RPS6KC1: variants seen among roughly 807,000 people sequenced by gnomAD.
RPS6KC1 encodes inactive ribosomal protein S6 kinase delta-1.
RPS6KC1 carries 54 observed loss-of-function variants against 103.8 expected under a neutral mutation model. The ratio of observed to expected loss-of-function variants is 0.52; its 90% CI spans 0.42 to 0.65. The LOEUF is 0.65. RPS6KC1 is among the 30% of genes least tolerant of loss of function. The pLI is 0.00. For missense variants in RPS6KC1, 1,151 were observed against 1,253.8 expected, an observed-to-expected ratio of 0.92 and a Z score of 1.24; for synonymous variants, 439 against 438.7, an observed-to-expected ratio of 1.00 and a Z score of -0.01.
chr1:213,830,768 G>A, the RPS6KC1 span, among the ~76,000 whole-genome samples: 1 of 151,834 alleles, frequency 6.6e-6, no homozygotes. Context: ...TCATTTGGGG[G>A]ATCCCTTCCC....
the RPS6KC1 span, among the ~76,000 whole-genome samples, chr1:213,861,208 G>A: frequency 4.6e-5 from 7 of 152,066 alleles, no homozygotes; most frequent in Non-Finnish European, 1.0e-4. Context: ...GCTGATAGAG[G>A]GCTGATTCAG....
chr1:213,567,786 G>C, the RPS6KC1 span, among the ~76,000 whole-genome samples: 1 of 152,198 alleles, frequency 6.6e-6, no homozygotes, highest in Non-Finnish European at 1.5e-5. Flanking sequence ...TAATGGAGTT[G>C]AGATTCTCCC....
the RPS6KC1 span, among the ~76,000 whole-genome samples, chr1:213,712,360 TC>T: frequency 6.7e-6 from 1 of 149,738 alleles, no homozygotes; most frequent in African/African-American, 2.6e-5. Context: ...CAGATGCCCC[TC>T]CCCTCACCAA....
At chr1:213,104,718 C>T (rs2148781800) in intron 4 of RPS6KC1, 149 bp downstream of exon 4, 7 of 407,316 alleles carry the variant, frequency 1.7e-5, no homozygotes, top group South Asian at 4.5e-5. Context: ...TGGCATATTT[C>T]CTATTTTTAG....
the RPS6KC1 span, among the ~76,000 whole-genome samples, chr1:213,709,746 T>C: frequency 6.6e-6 from 1 of 152,330 alleles, no homozygotes; most frequent in South Asian, 2.1e-4. Flanking sequence ...TTCAAAGAAC[T>C]TATTTATTTC....
At chr1:213,240,159 A>T (rs748253232) in intron 10 of RPS6KC1, among the ~76,000 whole-genome samples, 3 of 152,166 alleles carry the variant, frequency 2.0e-5, no homozygotes, top group Admixed American at 1.3e-4. Context: ...GGGAAATATT[A>T]ATATGTCATT....
chr1:213,602,044 C>CTT, the RPS6KC1 span, among the ~76,000 whole-genome samples: 4 of 60,482 alleles, frequency 6.6e-5, 1 homozygote, highest in Non-Finnish European at 1.0e-4. Flanking sequence ...CTCTTTCTTT[C>CTT]TTTCTTTCTT....
chr1:213,296,885 A>G, the RPS6KC1 span, among the ~76,000 whole-genome samples: 2 of 152,206 alleles, frequency 1.3e-5, no homozygotes, highest in Non-Finnish European at 2.9e-5. Context: ...GGTGCTTACT[A>G]CAGTGACAAA....
chr1:213,127,146 G>A (rs2085076598), intron 5 of RPS6KC1, among the ~76,000 whole-genome samples: 1 of 152,134 alleles, frequency 6.6e-6, no homozygotes, highest in Non-Finnish European at 1.5e-5. Context: ...ATCTCTGGGT[G>A]TTTCTGAGAT....
chr1:213,585,744 G>C, the RPS6KC1 span, among the ~76,000 whole-genome samples: 1 of 152,276 alleles, frequency 6.6e-6, no homozygotes, highest in Non-Finnish European at 1.5e-5. Flanking sequence ...CCAGGAGACT[G>C]TCTGCCATGG....
the RPS6KC1 span, among the ~76,000 whole-genome samples, chr1:213,817,461 A>G: frequency 6.6e-6 from 1 of 152,244 alleles, no homozygotes; most frequent in Non-Finnish European, 1.5e-5. Context: ...GGCATTCTCC[A>G]CTGCCAATTA....
intron 14 of RPS6KC1, among the ~76,000 whole-genome samples, chr1:213,270,932 A>G (rs868031601): frequency 2.0e-5 from 3 of 152,226 alleles, no homozygotes; most frequent in Admixed American, 1.3e-4. Flanking sequence ...TGACAGTACC[A>G]AGAGCTGAGG....
At chr1:213,126,207 A>AATCTC (rs1006860322) in intron 5 of RPS6KC1, among the ~76,000 whole-genome samples, 2 of 152,146 alleles carry the variant, frequency 1.3e-5, no homozygotes, top group Admixed American at 6.6e-5. Context: ...TGACAAGAAA[A>AATCTC]ATCTCATAAA....
At chr1:213,773,473 A>C in the RPS6KC1 span, among the ~76,000 whole-genome samples, 1 of 148,162 alleles carries the variant, frequency 6.7e-6, no homozygotes, top group Admixed American at 6.8e-5. Context: ...TCTATATATC[A>C]TATATCGATA....
chr1:213,504,667 C>G, the RPS6KC1 span, among the ~76,000 whole-genome samples: 3 of 152,136 alleles, frequency 2.0e-5, no homozygotes, highest in African/African-American at 7.2e-5. Flanking sequence ...TTCAATTTCC[C>G]TCAGAATTTT....
At chr1:213,142,305 T>G (rs896019882) in intron 6 of RPS6KC1, among the ~76,000 whole-genome samples, 4 of 152,066 alleles carry the variant, frequency 2.6e-5, no homozygotes, top group African/African-American at 4.8e-5. Flanking sequence ...AGGATATAGT[T>G]GGGTCTTGCT....
At chr1:213,076,708 A>T (rs113833449) in intron 2 of RPS6KC1, among the ~76,000 whole-genome samples, 1,930 of 152,200 alleles carry the variant, frequency 0.013, 45 homozygotes, top group African/African-American at 0.044. Context: ...TCTAATCTAG[A>T]TGATATTTTG....
intron 13 of RPS6KC1, among the ~76,000 whole-genome samples, chr1:213,262,164 T>G (rs543919764): frequency 6.6e-6 from 1 of 152,172 alleles, no homozygotes; most frequent in Non-Finnish European, 1.5e-5. Flanking sequence ...TAGACTTTAA[T>G]AAAGTATTGT....
chr1:213,480,025 GA>G, the RPS6KC1 span, among the ~76,000 whole-genome samples: 1 of 151,878 alleles, frequency 6.6e-6, no homozygotes, highest in African/African-American at 2.4e-5. Flanking sequence ...ATTTTATAAA[GA>G]ATTTTGATTT....
Sources: gnomAD v4.1 joint callset for allele counts (sites outside exome capture counted in the v4.1 genomes callset) on GRCh38, gnomAD v4.1.1 for gene constraint, MANE v1.5 for transcripts, NCBI Gene and HGNC (gene_info 2026-07-23, HGNC 2026-07-21) for gene names.